The following CADM2 variants were observed in gnomAD, a reference collection of about 807,000 sequenced individuals.
CADM2 encodes immunoglobulin superfamily member 4D.
CADM2 carries 12 observed loss-of-function variants against 49.8 expected under a neutral mutation model. That is an observed-to-expected ratio of 0.24 (90% CI 0.15 to 0.39). The LOEUF (loss-of-function observed/expected upper bound fraction) is 0.39, where lower values mean the gene tolerates loss of function less well. Among genes scored for constraint, CADM2 ranks in the 10% least tolerant of loss-of-function variants. The probability of loss-of-function intolerance (pLI) is 1.00; values close to 1 mark genes in which losing one functional copy is unlikely to be tolerated. For missense variants in CADM2, 378 were observed against 492.3 expected (o/e 0.77, Z 2.20); for synonymous variants, 214 against 175.4 (o/e 1.22, Z -1.74).
chr3:85,458,831 G>T (rs2038111885), intron 1 of CADM2, among the ~76,000 whole-genome samples: 1 of 151,962 alleles, frequency 6.6e-6, no homozygotes, highest in African/African-American at 2.4e-5. Context: ...ACAAATAAAA[G>T]TACATTTTAA....
chr3:85,143,525 A>T (rs2039641244), intron 1 of CADM2, among the ~76,000 whole-genome samples: 1 of 152,222 alleles, frequency 6.6e-6, no homozygotes, highest in Non-Finnish European at 1.5e-5. Context: ...TATTTGAGAC[A>T]GATTTTTCAA....
chr3:85,625,576 T>C (rs1274249313), intron 1 of CADM2, among the ~76,000 whole-genome samples: 2 of 152,062 alleles, frequency 1.3e-5, no homozygotes, highest in Non-Finnish European at 2.9e-5. Flanking sequence ...GCAGTTTAAA[T>C]GCACACCTCA....
At chr3:85,883,216 T>C in intron 3 of CADM2, 75 bp from the exon 4 acceptor site, 1 of 1,220,830 alleles carries the variant, frequency 8.2e-7, no homozygotes, top group Non-Finnish European at 1.1e-6. Context: ...TTGTATTGTG[T>C]TGAAAATATA....
chr3:85,969,069 C>G (rs888390947), intron 8 of CADM2, among the ~76,000 whole-genome samples: 2 of 151,570 alleles, frequency 1.3e-5, no homozygotes, highest in Non-Finnish European at 3.0e-5. Context: ...ATCATCCTCT[C>G]TGGCTTAGAC....
At chr3:86,006,781 C>T (rs1344547929) in intron 8 of CADM2, among the ~76,000 whole-genome samples, 1 of 152,080 alleles carries the variant, frequency 6.6e-6, no homozygotes, top group Non-Finnish European at 1.5e-5. Context: ...TGGCTCACAC[C>T]TGTAATTCCT....
chr3:85,938,344 A>C (rs191751346), intron 7 of CADM2, among the ~76,000 whole-genome samples: 128 of 152,220 alleles, frequency 8.4e-4, no homozygotes, highest in Non-Finnish European at 1.7e-3. Context: ...AGTAAAAAGA[A>C]CAGGATGCAA....
At chr3:85,492,075 A>G (rs1339648751) in intron 1 of CADM2, among the ~76,000 whole-genome samples, 1 of 152,192 alleles carries the variant, frequency 6.6e-6, no homozygotes, top group African/African-American at 2.4e-5. Context: ...GCTTGTTACA[A>G]TCTAATTTTA....
At chr3:85,948,682 G>A (rs369366838) in intron 7 of CADM2, among the ~76,000 whole-genome samples, 239 of 150,768 alleles carry the variant, frequency 1.6e-3, no homozygotes, top group Non-Finnish European at 3.0e-3. Context: ...AAACTCAAAC[G>A]TATAGAAGCT....
intron 1 of CADM2, among the ~76,000 whole-genome samples, chr3:85,074,557 TC>T (rs2036871016): frequency 1.3e-5 from 2 of 152,164 alleles, no homozygotes; most frequent in South Asian, 4.1e-4. Context: ...TTAGAATAGT[TC>T]CTGGCACATA....
intron 1 of CADM2, among the ~76,000 whole-genome samples, chr3:85,430,826 A>G (rs1361125820): frequency 1.3e-5 from 2 of 152,136 alleles, no homozygotes; most frequent in Non-Finnish European, 2.9e-5. Flanking sequence ...CCAGCTGGAA[A>G]TAAGCAGAAG....
intron 1 of CADM2, among the ~76,000 whole-genome samples, chr3:85,184,683 C>A (rs978899315): frequency 3.3e-5 from 5 of 152,004 alleles, no homozygotes; most frequent in Admixed American, 1.3e-4. Context: ...GAGAGATAAA[C>A]ACCTAAATAA....
intron 1 of CADM2, among the ~76,000 whole-genome samples, chr3:85,586,679 CTG>C (rs1272719405): frequency 6.6e-6 from 1 of 152,082 alleles, no homozygotes; most frequent in Non-Finnish European, 1.5e-5. Context: ...GCAAAAGTAA[CTG>C]TGGTTTTTAC....
chr3:84,983,998 G>A (rs1164495142), intron 1 of CADM2, among the ~76,000 whole-genome samples: 1 of 150,180 alleles, frequency 6.7e-6, no homozygotes. Context: ...ATCACTTTCA[G>A]ACTTTCTATT....
intron 1 of CADM2, among the ~76,000 whole-genome samples, chr3:85,069,099 C>A (rs1254617635): frequency 1.3e-5 from 2 of 151,928 alleles, no homozygotes; most frequent in African/African-American, 4.8e-5. Context: ...GCCGTTGATG[C>A]CTTTCCCCTC....
At chr3:85,497,135 T>G (rs527961559) in intron 1 of CADM2, among the ~76,000 whole-genome samples, 1 of 152,176 alleles carries the variant, frequency 6.6e-6, no homozygotes, top group African/African-American at 2.4e-5. Context: ...TGAGTATGTC[T>G]TCTTTTGAGA....
At chr3:85,887,569 G>C (rs570901708) in intron 5 of CADM2, among the ~76,000 whole-genome samples, 1 of 152,014 alleles carries the variant, frequency 6.6e-6, no homozygotes, top group Non-Finnish European at 1.5e-5. Flanking sequence ...TCCCAAAAAA[G>C]GTCCTTATCC....
chr3:85,896,855 G>T (rs898196702), intron 5 of CADM2, among the ~76,000 whole-genome samples: 2 of 152,300 alleles, frequency 1.3e-5, no homozygotes, highest in South Asian at 2.1e-4. Context: ...TTCTCAAAAA[G>T]TGGCCTTTAG....
At chr3:85,384,002 C>A (rs1262433943) in intron 1 of CADM2, among the ~76,000 whole-genome samples, 2 of 152,014 alleles carry the variant, frequency 1.3e-5, no homozygotes, top group African/African-American at 4.8e-5. Context: ...CAGTAATTTC[C>A]AGGAATGAAA....
chr3:86,029,678 C>T (rs1240089407), intron 8 of CADM2, among the ~76,000 whole-genome samples: 1 of 151,956 alleles, frequency 6.6e-6, no homozygotes, highest in Non-Finnish European at 1.5e-5. Flanking sequence ...CAGCTAATAA[C>T]AGACTTTAAA....
Sources: allele counts gnomAD v4.1 joint callset (sites outside exome capture counted in the v4.1 genomes callset), GRCh38; gene constraint gnomAD v4.1.1; transcripts MANE v1.5; gene names NCBI Gene and HGNC (gene_info 2026-07-23, HGNC 2026-07-21).